CELF2: variants seen among roughly 807,000 people sequenced by gnomAD.
CELF2 encodes the protein CUG triplet repeat RNA-binding protein 2.
Under a neutral mutation model 62.6 loss-of-function variants are expected in CELF2, and 8 were observed. That is an observed-to-expected ratio of 0.13 (90% confidence interval 0.07 to 0.23). The LOEUF is 0.23. Ranked by LOEUF, CELF2 falls within the 10% of genes least tolerant of loss-of-function variation. CELF2 has a pLI of 1.00. For missense variants in CELF2, 333 were observed against 671.0 expected, an observed-to-expected ratio of 0.50 and a Z score of 5.56; for synonymous variants, 258 against 250.0, an observed-to-expected ratio of 1.03 and a Z score of -0.30.
chr10:11,162,142 C>T (rs546062213), intron 1 of CELF2, among the ~76,000 whole-genome samples: 9 of 151,582 alleles, frequency 5.9e-5, no homozygotes, highest in Non-Finnish European at 1.0e-4. Flanking sequence ...CCACCCATAC[C>T]ACCCATTTCA....
chr10:10,565,922 A>G, the CELF2 span, among the ~76,000 whole-genome samples: 1 of 152,228 alleles, frequency 6.6e-6, no homozygotes, highest in African/African-American at 2.4e-5. Context: ...AGGTTGCCGT[A>G]CTTGACTTTA....
chr10:11,099,278 T>C (rs534943359), intron 1 of CELF2, among the ~76,000 whole-genome samples: 1 of 152,356 alleles, frequency 6.6e-6, no homozygotes, highest in South Asian at 2.1e-4. Flanking sequence ...ATCCATCACA[T>C]TGTACAGTGT....
At chr10:11,266,547 T>G (rs1325978351) in intron 5 of CELF2, 51 bp from the exon 6 acceptor site, 4 of 1,462,528 alleles carry the variant, frequency 2.7e-6, no homozygotes. Context: ...CCAACCCTTT[T>G]GTCTTGTTGT....
At chr10:11,169,076 A>T (rs1471013007) in intron 2 of CELF2, 1 of 152,214 alleles carries the variant, frequency 6.6e-6, no homozygotes, top group African/African-American at 2.4e-5. Flanking sequence ...TGGGCATGTT[A>T]CTTAATCACA....
chr10:10,588,782 G>C, the CELF2 span, among the ~76,000 whole-genome samples: 1 of 152,190 alleles, frequency 6.6e-6, no homozygotes, highest in Non-Finnish European at 1.5e-5. Context: ...CTATTCTCAA[G>C]GTATTCCAGA....
intron 9 of CELF2, among the ~76,000 whole-genome samples, chr10:11,295,896 A>T (rs868314259): frequency 6.6e-6 from 1 of 152,098 alleles, no homozygotes; most frequent in Non-Finnish European, 1.5e-5. Flanking sequence ...TGGGTGTGCA[A>T]TGAACTTCTG....
rs1250421470 is a variant in CELF2, at chr10:11,197,058, A to AAAGAAAGAAAGAAAGAAAGAAAGAAAG, written c.272-20365_272-20364insGAAAGAAAGAAAGAAAGAAAGAAAGAA. On this transcript the variant is annotated intron_variant, in intron 2 of 12. Coordinates refer to ENST00000633077, the MANE Select transcript of CELF2 (RefSeq NM_001326342.2). The stretch of plus-strand genomic sequence containing the variant: ...GAAAGAAAGAAAGAAAGAAAGAAAG[A>AAAGAAAGAAAGAAAGAAAGAAAGAAAG]AAAGAAAGAAAGGAAAGAAAGAAAG... Among the ~76,000 whole-genome samples, 90 of 71,946 alleles carry AAAGAAAGAAAGAAAGAAAGAAAGAAAG rather than the reference A, an allele frequency of 1.3e-3. 9 individuals are homozygous for AAAGAAAGAAAGAAAGAAAGAAAGAAAG. The highest frequency in any genetic ancestry group is 4.9e-3 in the African/African-American group (85 of 17,316). The allele number at this position is 71,946 out of a possible 152,430, so 47.2% of individuals were successfully genotyped here. A position where few individuals can be genotyped will look rare whatever the true frequency, so the allele number is the denominator to read the frequency against.
the CELF2 span, among the ~76,000 whole-genome samples, chr10:10,612,881 A>G: frequency 6.6e-6 from 1 of 152,320 alleles, no homozygotes; most frequent in East Asian, 1.9e-4. Context: ...ATATAGTAAG[A>G]AAGATCTTAC....
At chr10:11,097,484 T>A (rs2050222969) in intron 1 of CELF2, 1 of 152,170 alleles carries the variant, frequency 6.6e-6, no homozygotes, top group African/African-American at 2.4e-5. Context: ...AAATACCCAA[T>A]GATAGGACCT....
At chr10:11,174,291 T>A (rs1011318614) in intron 2 of CELF2, among the ~76,000 whole-genome samples, 4 of 151,728 alleles carry the variant, frequency 2.6e-5, no homozygotes, top group Non-Finnish European at 5.9e-5. Flanking sequence ...GAGAAGAAAG[T>A]TTTGCTGTAA....
In CELF2 at chr10:10,882,030, G is replaced by A. The variant is rs559718826; in HGVS notation, c.54-37934G>A. On this transcript the variant is annotated intron_variant, in intron 1 of 13. Coordinates refer to the CELF2 transcript ENST00000636488. ...ACTTCAGGAGAAATGGGCAGAAAGTGAATCTGGCAAAGCCAGCGGATTGCT... is the reference window on the plus strand; with the variant it reads ...ACTTCAGGAGAAATGGGCAGAAAGTAAATCTGGCAAAGCCAGCGGATTGCT... Among the ~76,000 whole-genome samples, 4 of 152,336 alleles carry A rather than the reference G, an allele frequency of 2.6e-5. No individual in the cohort carries two copies. The East Asian group carries it at 7.7e-4, about 29-fold the overall frequency.
chr10:11,023,232 A>G (rs2138240639), intron 1 of CELF2, among the ~76,000 whole-genome samples: 1 of 152,312 alleles, frequency 6.6e-6, no homozygotes, highest in Non-Finnish European at 1.5e-5. Context: ...TAGCACCTAC[A>G]AGTTCTCATG....
chr10:11,027,449 T>C (rs539678088), intron 1 of CELF2, among the ~76,000 whole-genome samples: 1 of 152,012 alleles, frequency 6.6e-6, no homozygotes, highest in African/African-American at 2.4e-5. Flanking sequence ...CTTTCCTGTG[T>C]TGGAGAGGAG....
chr10:10,873,379 C>T lies in CELF2; in HGVS notation c.54-46585C>T, dbSNP rs2060880438. Among the ~76,000 whole-genome samples the T allele has an allele frequency of 1.3e-5, 2 of 152,068 alleles. 1 individual carries two copies. Among genetic ancestry groups the T allele is most frequent in the South Asian group, 4.1e-4 (2 of 4,822 alleles). ...TAAATAAATAAACTTAATTTTAGCCCTCGGGGTAACAGTATTAGTGATAAA... is the reference window on the plus strand; with the variant it reads ...TAAATAAATAAACTTAATTTTAGCCTTCGGGGTAACAGTATTAGTGATAAA... On this transcript the variant is annotated intron_variant, in intron 1 of 13. Coordinates refer to the CELF2 transcript ENST00000636488.
intron 2 of CELF2, among the ~76,000 whole-genome samples, chr10:11,192,288 G>T (rs147554626): frequency 1.1e-3 from 171 of 152,400 alleles, no homozygotes; most frequent in African/African-American, 4.0e-3. Context: ...GAGGGAGGCA[G>T]TGCTGTGGGT....
intron 1 of CELF2, among the ~76,000 whole-genome samples, chr10:10,803,820 T>C (rs2054922254): frequency 6.6e-6 from 1 of 152,122 alleles, no homozygotes; most frequent in East Asian, 1.9e-4. Flanking sequence ...CACACGACAA[T>C]GAATGAATGA....
At chr10:10,608,337 A>G in the CELF2 span, among the ~76,000 whole-genome samples, 1 of 152,242 alleles carries the variant, frequency 6.6e-6, no homozygotes, top group South Asian at 2.1e-4. Flanking sequence ...CCTGAAGACA[A>G]CCAGATTAAT....
chr10:10,531,940 T>A, the CELF2 span, among the ~76,000 whole-genome samples: 1,280 of 152,296 alleles, frequency 8.4e-3, 15 homozygotes, highest in African/African-American at 0.029. Flanking sequence ...ACAGGTGCAT[T>A]AATGGCTATA....
chr10:10,894,372 T>C (rs1046689714), intron 1 of CELF2, among the ~76,000 whole-genome samples: 1 of 152,340 alleles, frequency 6.6e-6, no homozygotes, highest in Non-Finnish European at 1.5e-5. Context: ...GGATTTAATG[T>C]AATGTCTAAA....
Sources: allele counts gnomAD v4.1 joint callset (sites outside exome capture counted in the v4.1 genomes callset), GRCh38; gene constraint gnomAD v4.1.1; transcripts MANE v1.5; gene names NCBI Gene and HGNC (gene_info 2026-07-23, HGNC 2026-07-21).